Variants in LIMS1 observed in about 807,000 individuals in gnomAD.
LIMS1 encodes the protein LIM zinc finger domain containing 1.
LIMS1 carries 18 observed loss-of-function variants against 44.1 expected under a neutral mutation model. That is an observed-to-expected ratio of 0.41 (90% CI 0.28 to 0.61). The LOEUF is 0.61. Ranked by LOEUF, LIMS1 falls within the 20% of genes least tolerant of loss-of-function variation. The pLI, the probability that LIMS1 is intolerant of heterozygous loss-of-function variation, is 0.32. For synonymous variants in LIMS1, 93 were observed against 149.1 expected, an observed-to-expected ratio of 0.62 and a Z score of 2.74; for missense variants, 201 against 422.0, an observed-to-expected ratio of 0.48 and a Z score of 4.59.
chr2:108,675,493 G>C (rs1299004957), intron 5 of LIMS1, among the ~76,000 whole-genome samples: 7 of 152,090 alleles, frequency 4.6e-5, no homozygotes, highest in African/African-American at 1.2e-4. Flanking sequence ...ATGAACTTTG[G>C]GGACACAGTC....
rs10596766 is a variant in LIMS1 at position 108,569,764 on chromosome 2, CTTTTTTT to C, written c.32+35183_32+35189del. The stretch of plus-strand genomic sequence containing the variant: ...TACAAACACTCACCGCCATATCTGG[CTTTTTTT>C]TTTTTTTTTTTTAGTGATGAGGTCT... On this transcript the variant is annotated intron_variant, in intron 1 of 9. Transcript: ENST00000544547. Among the ~76,000 whole-genome samples, 7 of 113,130 alleles carry C rather than the reference CTTTTTTT, an allele frequency of 6.2e-5. No individual in the cohort carries two copies. The South Asian group carries it at 2.0e-3, about 32-fold the overall frequency. 74.2% of individuals were successfully genotyped at this position (113,130 alleles called of 152,430 possible).
At chr2:108,562,636 TAGA>T (rs1475575178) in intron 1 of LIMS1, among the ~76,000 whole-genome samples, 2 of 152,168 alleles carry the variant, frequency 1.3e-5, no homozygotes, top group African/African-American at 4.8e-5. Flanking sequence ...GGAAAGTTAG[TAGA>T]AGTTCATTCA....
intron 2 of LIMS1, 153 bp downstream of exon 2, chr2:108,659,917 A>T (rs1691220894): frequency 1.2e-6 from 1 of 813,886 alleles, no homozygotes; most frequent in African/African-American, 1.6e-5. Context: ...GTGAGGTCAG[A>T]GGTGGCATCT....
chr2:108,536,276 A>G (rs1316492575), intron 1 of LIMS1, among the ~76,000 whole-genome samples: 2 of 152,200 alleles, frequency 1.3e-5, no homozygotes, highest in Non-Finnish European at 2.9e-5. Context: ...AGAAATCTTT[A>G]TCTTACAAAA....
intron 1 of LIMS1, among the ~76,000 whole-genome samples, chr2:108,586,042 A>G (rs1185254809): frequency 2.6e-5 from 4 of 152,084 alleles, no homozygotes; most frequent in Admixed American, 6.5e-5. Context: ...AATACAAAAA[A>G]TTAGCCGGGT....
Position 108,665,853 on chromosome 2 carries a change from T to G in LIMS1, c.193-4928T>G, listed in dbSNP as rs1203413658. ...GCTTTCCTTTTAGGACTTAGCCTTT[T>G]TCATCCCCTGACTAATTTCAGAAGA... On this transcript the variant is annotated intron_variant, in intron 2 of 9. Coordinates refer to ENST00000544547, the Ensembl canonical transcript of LIMS1. Among the ~76,000 whole-genome samples, 7 of 152,282 alleles carry G rather than the reference T, an allele frequency of 4.6e-5. No individual in the cohort carries two copies. In the South Asian group the frequency reaches 1.5e-3, roughly 32 times the overall value.
chr2:108,675,498 A>C (rs1311356466), intron 5 of LIMS1, among the ~76,000 whole-genome samples: 3 of 152,210 alleles, frequency 2.0e-5, no homozygotes, highest in African/African-American at 4.8e-5. Flanking sequence ...CTTTGGGGAC[A>C]CAGTCACACC....
At chr2:108,546,756 A>C (rs1355578123) in intron 1 of LIMS1, among the ~76,000 whole-genome samples, 1 of 152,048 alleles carries the variant, frequency 6.6e-6, no homozygotes, top group Non-Finnish European at 1.5e-5. Context: ...GTTCAATGAA[A>C]GATAGAAGGA....
intron 1 of LIMS1, among the ~76,000 whole-genome samples, chr2:108,563,784 G>A (rs1449978105): frequency 6.6e-6 from 1 of 152,222 alleles, no homozygotes; most frequent in East Asian, 1.9e-4. Flanking sequence ...TAGTGGCCAG[G>A]CGCATAGCTC....
intron 1 of LIMS1, among the ~76,000 whole-genome samples, chr2:108,570,485 A>G (rs1685446251): frequency 6.6e-6 from 1 of 152,176 alleles, no homozygotes; most frequent in African/African-American, 2.4e-5. Context: ...AGCTTTCCAG[A>G]AACCCAGGGT....
intron 1 of LIMS1, among the ~76,000 whole-genome samples, chr2:108,608,409 T>C (rs527606889): frequency 6.6e-6 from 1 of 151,568 alleles, no homozygotes; most frequent in Non-Finnish European, 1.5e-5. Context: ...GGGTTCAAGC[T>C]ATTCTCCTGC....
intron 1 of LIMS1, among the ~76,000 whole-genome samples, chr2:108,620,969 C>CT (rs1350862255): frequency 6.6e-6 from 1 of 152,182 alleles, no homozygotes; most frequent in Non-Finnish European, 1.5e-5. Context: ...CAGGACCCTT[C>CT]TTTAGCGACT....
chr2:108,661,714 G>A (rs149494170), intron 2 of LIMS1, among the ~76,000 whole-genome samples: 1 of 152,134 alleles, frequency 6.6e-6, no homozygotes, highest in East Asian at 1.9e-4. Context: ...ACTCAATTCA[G>A]TTAAAGGGAC....
At chr2:108,608,675 A>G (rs1687414700) in intron 1 of LIMS1, among the ~76,000 whole-genome samples, 1 of 152,168 alleles carries the variant, frequency 6.6e-6, no homozygotes, top group Non-Finnish European at 1.5e-5. Context: ...GCTATACAGC[A>G]TTTCATTGAA....
chr2:108,637,097 A>ATGTGTGTGTG (rs749792879), intron 1 of LIMS1, among the ~76,000 whole-genome samples: 9 of 132,050 alleles, frequency 6.8e-5, no homozygotes, highest in Non-Finnish European at 9.7e-5. Flanking sequence ...AAATATACAT[A>ATGTGTGTGTG]TATGTGTGTG....
At chr2:108,623,336 TTA>T (rs1688366744) in intron 1 of LIMS1, among the ~76,000 whole-genome samples, 1 of 152,130 alleles carries the variant, frequency 6.6e-6, no homozygotes, top group African/African-American at 2.4e-5. Context: ...GACTTTGAAG[TTA>T]GGTACACCAG....
At chr2:108,540,837 T>C (rs1332779482) in intron 1 of LIMS1, among the ~76,000 whole-genome samples, 1 of 152,204 alleles carries the variant, frequency 6.6e-6, no homozygotes, top group East Asian at 1.9e-4. Flanking sequence ...TATTGTGGGG[T>C]CTCCTCTGCT....
At position 108,680,671 on chromosome 2, in the gene LIMS1, C is replaced by T. The variant is rs770631408; in HGVS notation, c.824-24C>T. On this transcript the variant is annotated intron_variant, in intron 8 of 9. Transcript: ENST00000544547. ...CCATACTGATGTATTTCCATGTGAC[C>T]AGATCTCTTTCCTCTTTCTCCAGTG... is the stretch of plus-strand genomic sequence containing the variant. The T allele has an allele frequency of 3.7e-6, 6 of 1,607,864 alleles. No homozygotes were observed. In the South Asian group the frequency reaches 4.4e-5, roughly 12 times the overall value.
chr2:108,547,044 G>A (rs1160318012), intron 1 of LIMS1, among the ~76,000 whole-genome samples: 1 of 152,190 alleles, frequency 6.6e-6, no homozygotes, highest in East Asian at 1.9e-4. Flanking sequence ...GAGTTCATTG[G>A]GGGAGTTGTG....
Sources: allele counts gnomAD v4.1 joint callset (sites outside exome capture counted in the v4.1 genomes callset), GRCh38; gene constraint gnomAD v4.1.1; transcripts MANE v1.5; gene names NCBI Gene and HGNC (gene_info 2026-07-23, HGNC 2026-07-21).